NUBPL: variants seen among roughly 807,000 people sequenced by gnomAD.
NUBPL encodes NUBP iron-sulfur cluster assembly factor, mitochondrial.
In NUBPL, 31 loss-of-function variants were observed where a neutral mutation model predicts 45.7. That is an observed-to-expected ratio of 0.68 (90% CI 0.51 to 0.92). The LOEUF is 0.92. Ranked by LOEUF, NUBPL falls within the 40% of genes least tolerant of loss-of-function variation. The pLI is 0.00. For synonymous variants in NUBPL, 144 were observed against 140.9 expected, an observed-to-expected ratio of 1.02 and a Z score of -0.15; for missense variants, 401 against 398.7, an observed-to-expected ratio of 1.01 and a Z score of -0.05.
At chr14:31,769,582 A>C (rs1158220415) in intron 6 of NUBPL, among the ~76,000 whole-genome samples, 1 of 152,208 alleles carries the variant, frequency 6.6e-6, no homozygotes, top group East Asian at 1.9e-4. Context: ...TGATCATTCC[A>C]TTAAAAAAAA....
At chr14:31,653,996 TG>T (rs1566479039) in intron 4 of NUBPL, 2 of 415,654 alleles carry the variant, frequency 4.8e-6, no homozygotes, top group African/African-American at 2.0e-5. Flanking sequence ...TTGTATTTCA[TG>T]GGGGAAGATA....
intron 6 of NUBPL, among the ~76,000 whole-genome samples, chr14:31,734,017 A>C (rs1286510252): frequency 1.3e-5 from 2 of 152,188 alleles, no homozygotes; most frequent in African/African-American, 4.8e-5. Flanking sequence ...CATTTGTTGA[A>C]GTGATCATCT....
intron 3 of NUBPL, among the ~76,000 whole-genome samples, chr14:31,592,613 T>C (rs188664820): frequency 6.6e-6 from 1 of 151,718 alleles, no homozygotes; most frequent in East Asian, 1.9e-4. Flanking sequence ...TATGTTTTTT[T>C]AAAAAAAAAT....
intron 4 of NUBPL, among the ~76,000 whole-genome samples, chr14:31,620,874 G>GCGC (rs1353142595): frequency 6.6e-6 from 1 of 152,194 alleles, no homozygotes; most frequent in Non-Finnish European, 1.5e-5. Context: ...TGGTGAAGCT[G>GCGC]CGCCCACAGC....
chr14:31,815,886 G>T (rs1202796756), intron 7 of NUBPL, among the ~76,000 whole-genome samples: 1 of 152,082 alleles, frequency 6.6e-6, no homozygotes, highest in African/African-American at 2.4e-5. Context: ...GGATGAAGCC[G>T]ACTTGATAAT....
At chr14:31,757,356 T>C (rs974978433) in intron 6 of NUBPL, among the ~76,000 whole-genome samples, 7 of 151,690 alleles carry the variant, frequency 4.6e-5, no homozygotes, top group Middle Eastern at 6.8e-3. Context: ...TGGTAAGCTA[T>C]TGATTATTGC....
At chr14:31,587,755 T>C (rs1387545908) in intron 3 of NUBPL, among the ~76,000 whole-genome samples, 2 of 152,242 alleles carry the variant, frequency 1.3e-5, no homozygotes, top group African/African-American at 4.8e-5. Flanking sequence ...TACTAGAGGC[T>C]ATTTTTCACA....
chr14:31,638,902 C>T (rs1293928341), intron 4 of NUBPL, among the ~76,000 whole-genome samples: 1 of 152,180 alleles, frequency 6.6e-6, no homozygotes, highest in African/African-American at 2.4e-5. Flanking sequence ...CTGCATTCTT[C>T]ACGTAGTTCT....
chr14:31,760,177 G>GAGAGAGAGAGAGAGAC (rs1566547083), intron 6 of NUBPL, among the ~76,000 whole-genome samples: 3 of 146,920 alleles, frequency 2.0e-5, no homozygotes, highest in African/African-American at 7.7e-5. Flanking sequence ...GAGAGAGAGA[G>GAGAGAGAGAGAGAGAC]AGAGACAGGG....
At chr14:31,611,120 G>A (rs1401046653) in intron 4 of NUBPL, among the ~76,000 whole-genome samples, 1 of 152,108 alleles carries the variant, frequency 6.6e-6, no homozygotes, top group Non-Finnish European at 1.5e-5. Context: ...CATCCAAATT[G>A]GAAGGGAAGA....
Position 31,732,019 on chromosome 14 carries a change from G to A in NUBPL, c.514-55761G>A, listed in dbSNP as rs8018798. ...AGAGCTAGACTATCCTGGCTAAAAC[G>A]GTGAAATCCCGTCTCTACTAAAAAT... On this transcript the variant is annotated intron_variant, in intron 6 of 10. Coordinates refer to ENST00000281081, the MANE Select transcript of NUBPL (RefSeq NM_025152.3). Among the ~76,000 whole-genome samples the A allele has an allele frequency of 5.6e-3, 853 of 151,642 alleles. 35 individuals carry two copies. Among genetic ancestry groups the A allele is most frequent in the Admixed American group, 0.051 (778 of 15,208 alleles).
At position 31,751,778 on chromosome 14, in the gene NUBPL, A is replaced by G. The variant is rs137972813; in HGVS notation, c.514-36002A>G. ...TCTGTGTGGGGGTTTCAAACCCCAT[A>G]TTTTCCCTCTGCATTGCCCTAGTAG... is the stretch of plus-strand genomic sequence containing the variant. On this transcript the variant is annotated intron_variant, in intron 6 of 10. Coordinates refer to ENST00000281081, the MANE Select transcript of NUBPL (RefSeq NM_025152.3). 6.5e-3 allele frequency among the ~76,000 whole-genome samples: 995 copies of G among 152,186 alleles called. 11 individuals are homozygous for G. Among genetic ancestry groups the G allele is most frequent in the African/African-American group, 0.022 (932 of 41,512 alleles).
At chr14:31,798,353 T>A (rs965269004) in intron 7 of NUBPL, among the ~76,000 whole-genome samples, 1 of 146,560 alleles carries the variant, frequency 6.8e-6, no homozygotes, top group Admixed American at 7.1e-5. Context: ...ATGTGGTCAG[T>A]TGATGCCTTT....
At chr14:31,826,996 A>G (rs946464311) in intron 8 of NUBPL, among the ~76,000 whole-genome samples, 2 of 152,344 alleles carry the variant, frequency 1.3e-5, no homozygotes, top group East Asian at 1.9e-4. Context: ...AAAAATTACA[A>G]GAGTGTTTTA....
intron 3 of NUBPL, among the ~76,000 whole-genome samples, chr14:31,596,562 A>C (rs1174303194): frequency 6.6e-6 from 1 of 152,188 alleles, no homozygotes; most frequent in Non-Finnish European, 1.5e-5. Flanking sequence ...CCTTGATGCT[A>C]CAATGGTAAT....
chr14:31,808,214 AG>A (rs2039728584), intron 7 of NUBPL, among the ~76,000 whole-genome samples: 1 of 152,198 alleles, frequency 6.6e-6, no homozygotes, highest in South Asian at 2.1e-4. Context: ...TCCCTTGGGC[AG>A]TATGGCCATT....
At chr14:31,828,767 C>T (rs949039971) in intron 8 of NUBPL, among the ~76,000 whole-genome samples, 1 of 152,142 alleles carries the variant, frequency 6.6e-6, no homozygotes, top group Non-Finnish European at 1.5e-5. Flanking sequence ...CTATGTAAAC[C>T]TGTATACCTG....
intron 4 of NUBPL, among the ~76,000 whole-genome samples, chr14:31,626,304 G>T (rs1196881090): frequency 6.6e-6 from 1 of 151,934 alleles, no homozygotes; most frequent in African/African-American, 2.4e-5. Context: ...CCAGCGCCTG[G>T]CTAATTTTTG....
chr14:31,751,713 C>G (rs1302773534), intron 6 of NUBPL, among the ~76,000 whole-genome samples: 2 of 152,318 alleles, frequency 1.3e-5, no homozygotes, highest in South Asian at 2.1e-4. Context: ...AATAGTGGCC[C>G]TCTTCTCCCA....
Sources: allele counts gnomAD v4.1 joint callset (sites outside exome capture counted in the v4.1 genomes callset), GRCh38; gene constraint gnomAD v4.1.1; transcripts MANE v1.5; gene names NCBI Gene and HGNC (gene_info 2026-07-23, HGNC 2026-07-21).